The following RAB37 variants were observed in gnomAD, a reference collection of about 807,000 sequenced individuals.
The protein encoded by RAB37 is ras-related protein Rab-37.
RAB37 carries 29 observed loss-of-function variants against 33.1 expected under a neutral mutation model. The observed-to-expected ratio is 0.88, with a 90% CI of 0.65 to 1.20. The LOEUF (loss-of-function observed/expected upper bound fraction) is 1.20, where lower values mean the gene tolerates loss of function less well. Among genes scored for constraint, RAB37 ranks in the 50% most tolerant of loss-of-function variants. The probability of loss-of-function intolerance (pLI) is 0.00; values close to 1 mark genes in which losing one functional copy is unlikely to be tolerated. For missense variants in RAB37, 299 were observed against 301.1 expected (o/e 0.99, Z 0.05); for synonymous variants, 128 against 119.5 (o/e 1.07, Z -0.47).
In RAB37 at chr17:74,671,549, G is replaced by C. The variant is rs1325762720; in HGVS notation, c.-38G>C. The stretch of plus-strand genomic sequence containing the variant: ...GAGCTCCTGGAAGCGCTGACGCAGA[G>C]CGCAGGGAGAGCCGGAGCGGCGAGC... On this transcript the variant is annotated 5_prime_UTR_variant, in exon 1 of 8. Coordinates refer to the RAB37 transcript ENST00000340415. The surrounding 1 kb of genome is among the most constrained non-coding windows in gnomAD (Gnocchi z 5.0). 6.2e-7 allele frequency: 1 copy of C among 1,607,918 alleles called. No individual in the cohort carries two copies. The highest frequency in any genetic ancestry group is 1.1e-5 in the South Asian group (1 of 90,916).
intron 1 of RAB37, among the ~76,000 whole-genome samples, chr17:74,693,199 AC>A (rs763972520): frequency 1.3e-5 from 2 of 152,214 alleles, no homozygotes; most frequent in Non-Finnish European, 2.9e-5. Context: ...CTAACTATTC[AC>A]CAGTCTGCGG....
intron 1 of RAB37, among the ~76,000 whole-genome samples, chr17:74,711,518 C>G (rs2033960386): frequency 6.6e-6 from 1 of 152,240 alleles, no homozygotes; most frequent in Non-Finnish European, 1.5e-5. Flanking sequence ...CAGTCCTGGA[C>G]AAGTCACTTT....
At chr17:74,692,925 T>C (rs575943991) in intron 1 of RAB37, among the ~76,000 whole-genome samples, 1 of 152,332 alleles carries the variant, frequency 6.6e-6, no homozygotes, top group Admixed American at 6.5e-5. Flanking sequence ...GAACCCATCA[T>C]GTGCCAGACA....
rs754474782 is a variant in RAB37, at chr17:74,729,412, C to T, written c.183+46C>T. 22 of 1,356,630 alleles carry T rather than the reference C, an allele frequency of 1.6e-5. No individual in the cohort carries two copies. Among genetic ancestry groups the T allele is most frequent in the Non-Finnish European group, 2.2e-5 (21 of 944,876 alleles). 84.0% of individuals were successfully genotyped at this position (1,356,630 alleles called of 1,614,324 possible). On this transcript the variant is annotated intron_variant, in intron 2 of 7. Coordinates refer to the RAB37 transcript ENST00000340415. The surrounding 1 kb of genome is among the most constrained non-coding windows in gnomAD (Gnocchi z 4.2). ...CCAGCTCTGGGCCTGGGCTCAGGAC[C>T]CCAGCGTGTTTCTGTTGAGTGCCAG...
Position 74,745,562 on chromosome 17 carries a change from TC to T in RAB37, c.*153del. The T allele has an allele frequency of 1.6e-6, 1 of 632,654 alleles. No homozygotes were observed. The highest frequency in any genetic ancestry group is 2.8e-5 in the East Asian group (1 of 36,262). The allele number at this position is 632,654 out of a possible 1,614,324, so 39.2% of individuals were successfully genotyped here. A position where few individuals can be genotyped will look rare whatever the true frequency, so the allele number is the denominator to read the frequency against. ...TCCTAGCAGGGAGCTATACTCCAACTCCTACTTGAGTTCCTGCGGTCTCCCC... is the reference window on the plus strand; with the variant it reads ...TCCTAGCAGGGAGCTATACTCCAACTCTACTTGAGTTCCTGCGGTCTCCCC... On this transcript the variant is annotated 3_prime_UTR_variant, in exon 9 of 9. Coordinates refer to ENST00000392613, the MANE Select transcript of RAB37 (RefSeq NM_001006638.3). The surrounding 1 kb of genome is among the most constrained non-coding windows in gnomAD (Gnocchi z 4.5).
intron 1 of RAB37, chr17:74,695,340 T>C: frequency 6.6e-7 from 1 of 1,504,046 alleles, no homozygotes; most frequent in Admixed American, 1.9e-5. Flanking sequence ...ATAGTGGGGA[T>C]GGACCATTCA....
chr17:74,696,658 C>G (rs1252333240), intron 1 of RAB37, among the ~76,000 whole-genome samples: 3 of 152,246 alleles, frequency 2.0e-5, no homozygotes, highest in African/African-American at 7.2e-5. Flanking sequence ...TCCCGGGCCC[C>G]CGGGGGGCAC....
intron 1 of RAB37, among the ~76,000 whole-genome samples, chr17:74,714,354 C>T (rs1408517011): frequency 6.6e-6 from 1 of 151,702 alleles, no homozygotes; most frequent in Admixed American, 6.6e-5. Flanking sequence ...CCACTGTTCA[C>T]TGTACTCCAG....
intron 1 of RAB37, among the ~76,000 whole-genome samples, chr17:74,708,780 G>T (rs1177914961): frequency 1.3e-5 from 2 of 152,034 alleles, no homozygotes; most frequent in Non-Finnish European, 2.9e-5. Context: ...GCCAGGCGTG[G>T]TGGCGGGCGC....
chr17:74,720,107 C>T (rs1214672077), intron 1 of RAB37, among the ~76,000 whole-genome samples: 1 of 152,172 alleles, frequency 6.6e-6, no homozygotes, highest in African/African-American at 2.4e-5. Flanking sequence ...CAGGTAGGAA[C>T]TGGAGGGCAC....
chr17:74,736,243 C>T (rs889351630), upstream of RAB37, among the ~76,000 whole-genome samples: 5 of 152,016 alleles, frequency 3.3e-5, no homozygotes, highest in African/African-American at 1.2e-4. Context: ...TACCCCTCTC[C>T]AGCTCTCCCC....
chr17:74,733,880 C>A (rs370123207), upstream of RAB37, among the ~76,000 whole-genome samples: 8 of 152,088 alleles, frequency 5.3e-5, no homozygotes, highest in African/African-American at 1.9e-4. Context: ...CCAAGTATGA[C>A]ATTACCCACA....
intron 2 of RAB37, among the ~76,000 whole-genome samples, chr17:74,731,876 G>A (rs2034387976): frequency 6.6e-6 from 1 of 152,082 alleles, no homozygotes; most frequent in Non-Finnish European, 1.5e-5. Context: ...CAGGCGTGGT[G>A]GCACACGCCT....
Position 74,740,795 on chromosome 17 carries a change from G to T in RAB37, c.121G>T (p.Gly41Cys), listed in dbSNP as rs149746610. 1.2e-6 allele frequency: 2 copies of T among 1,614,030 alleles called. No homozygotes were observed. The highest frequency in any genetic ancestry group is 1.7e-6 in the Non-Finnish European group (2 of 1,179,994). Reference protein sequence around the residue: ...KVMLLGDTGVGKTCFLIQFKD... With the variant: ...KVMLLGDTGVCKTCFLIQFKD... ...GATGCTTCTGGGAGACACAGGCGTC[G>T]GCAAAACATGTTTCCTGATCCAATT... Residue 41 changes from glycine (G) to cysteine (C), a missense_variant, in exon 2 of 9, where the codon GGC becomes TGC. Coordinates refer to ENST00000392613, the MANE Select transcript of RAB37 (RefSeq NM_001006638.3).
At chr17:74,712,472 T>A (rs1484004624) in intron 1 of RAB37, among the ~76,000 whole-genome samples, 1 of 152,070 alleles carries the variant, frequency 6.6e-6, no homozygotes, top group Non-Finnish European at 1.5e-5. Flanking sequence ...TCAGAACACC[T>A]CCACGCAGGT....
At chr17:74,689,148 A>G (rs751085766) in intron 1 of RAB37, among the ~76,000 whole-genome samples, 3 of 152,122 alleles carry the variant, frequency 2.0e-5, no homozygotes, top group Non-Finnish European at 4.4e-5. Flanking sequence ...AAAATACAAA[A>G]TTAACCAGGT....
chr17:74,712,894 C>T, intron 1 of RAB37: 2 of 1,612,912 alleles, frequency 1.2e-6, no homozygotes, highest in Non-Finnish European at 1.7e-6. Flanking sequence ...CCCCGTTCCC[C>T]TCAGTGGAGC....
chr17:74,671,413 G>C lies in RAB37; in HGVS notation c.-174G>C, dbSNP rs1304210144. ...CCTGGAAGAACGTGGCCGCCTGCCC[G>C]CCTGGTACCGCGCCGCGGCCGCTGC... On this transcript the variant is annotated 5_prime_UTR_variant, in exon 1 of 8. Coordinates refer to the RAB37 transcript ENST00000340415. The surrounding 1 kb of genome is among the most constrained non-coding windows in gnomAD (Gnocchi z 5.0). 6 of 608,288 alleles carry C rather than the reference G, an allele frequency of 9.9e-6. No individual in the cohort carries two copies. The highest frequency in any genetic ancestry group is 8.6e-6 in the Non-Finnish European group (3 of 347,058). 37.7% of individuals were successfully genotyped at this position (608,288 alleles called of 1,614,324 possible). A position where few individuals can be genotyped will look rare whatever the true frequency, so the allele number is the denominator to read the frequency against.
intron 1 of RAB37, among the ~76,000 whole-genome samples, chr17:74,674,656 C>A (rs1274677398): frequency 2.0e-5 from 3 of 152,032 alleles, no homozygotes; most frequent in Non-Finnish European, 4.4e-5. Flanking sequence ...CCAGCTTCAG[C>A]AACAGAGCAA....
Sources: allele counts gnomAD v4.1 joint callset (sites outside exome capture counted in the v4.1 genomes callset), GRCh38; gene constraint gnomAD v4.1.1; non-coding constraint Gnocchi (gnomAD v3.1); transcripts MANE v1.5; gene names NCBI Gene and HGNC (gene_info 2026-07-23, HGNC 2026-07-21).